Variants in CLIC2 observed in about 807,000 individuals in gnomAD.
CLIC2 encodes CLIC family member 2, also known as chloride intracellular channel protein 2.
CLIC2 carries 9 observed loss-of-function variants against 14.8 expected under a neutral mutation model. The observed-to-expected ratio is 0.61, with a 90% confidence interval of 0.37 to 1.06. The LOEUF is 1.06. CLIC2 is among the 50% of genes least tolerant of loss of function. CLIC2 has a pLI of 0.01. For missense variants in CLIC2, 148 were observed against 181.4 expected (o/e 0.82, Z 1.06); for synonymous variants, 61 against 66.3 (o/e 0.92, Z 0.39).
rs373703414 is a variant in CLIC2 at position 155,305,188 on chromosome X, A to G, written c.58-6043T>C. On this transcript the variant is annotated intron_variant, in intron 1 of 5. Transcript: ENST00000369449. ...GCGCCCCTCCCCCAGCCTCGCTGCC[A>G]CCTTGCAGTTTGATCTCAGACTGCT... is the stretch of plus-strand genomic sequence containing the variant. Among the ~76,000 whole-genome samples the G allele has an allele frequency of 8.9e-3, 992 of 111,684 alleles. 4 individuals carry two copies. Among genetic ancestry groups the G allele is most frequent in the Middle Eastern group, 0.019 (4 of 214 alleles).
chrX:155,279,072 A>G, intron 5 of CLIC2, 77 bp downstream of exon 5: 1 of 762,024 alleles, frequency 1.3e-6, no homozygotes, highest in Non-Finnish European at 2.1e-6. Flanking sequence ...ATAATACCGC[A>G]CTGGAAGGTC....
At chrX:155,286,111 T>C (rs1341388144) in intron 3 of CLIC2, among the ~76,000 whole-genome samples, 1 of 112,250 alleles carries the variant, frequency 8.9e-6, no homozygotes, top group Non-Finnish European at 1.9e-5. Context: ...TGTTATCTTT[T>C]CTGCTCCTTT....
At chrX:155,284,551 GCCTGGCCCTT>G (rs1360098730) in intron 3 of CLIC2, among the ~76,000 whole-genome samples, 2 of 111,666 alleles carry the variant, frequency 1.8e-5, no homozygotes, top group Non-Finnish European at 3.8e-5. Context: ...GAGCCACCGC[GCCTGGCCCTT>G]CCTGGGATTT....
intron 3 of CLIC2, among the ~76,000 whole-genome samples, chrX:155,282,321 T>C (rs187330872): frequency 2.4e-4 from 27 of 111,849 alleles, no homozygotes; most frequent in Admixed American, 2.3e-3. Context: ...GCTTTATTTT[T>C]CACCTTAGCA....
intron 1 of CLIC2, among the ~76,000 whole-genome samples, chrX:155,319,083 CT>C (rs1465787715): frequency 3.6e-5 from 4 of 112,189 alleles, no homozygotes; most frequent in Non-Finnish European, 7.5e-5. Context: ...AGACTTAAAT[CT>C]AAGACCTGAA....
intron 1 of CLIC2, among the ~76,000 whole-genome samples, chrX:155,302,117 T>A (rs1203785706): frequency 2.4e-3 from 258 of 105,888 alleles, no homozygotes; most frequent in Middle Eastern, 9.7e-3. Flanking sequence ...GAGGATTCCC[T>A]CTTTTTCTAT....
At chrX:155,313,648 A>G (rs2124201097) in intron 1 of CLIC2, among the ~76,000 whole-genome samples, 1 of 112,554 alleles carries the variant, frequency 8.9e-6, no homozygotes, top group Non-Finnish European at 1.9e-5. Flanking sequence ...TGCTCCAAGA[A>G]GTACCACAGC....
chrX:155,326,736 G>A (rs1431721777), intron 1 of CLIC2, among the ~76,000 whole-genome samples: 4 of 111,511 alleles, frequency 3.6e-5, no homozygotes, highest in Non-Finnish European at 5.7e-5. Context: ...GTATCATGGA[G>A]TAGTACTCAG....
Position 155,308,168 on chromosome X carries a change from G to GAT in CLIC2, c.58-9025_58-9024dup, listed in dbSNP as rs200720086. On this transcript the variant is annotated intron_variant, in intron 1 of 5. Transcript: ENST00000369449. ...TTTGAGGAAACTAAAAAAAAATTGAGATAACACAGAGAATTCTATCAGGTA... is the reference window on the plus strand; with the variant it reads ...TTTGAGGAAACTAAAAAAAAATTGAGATATAACACAGAGAATTCTATCAGGTA... Among the ~76,000 whole-genome samples, 742 of 110,056 alleles carry GAT rather than the reference G, an allele frequency of 6.7e-3. 6 individuals are homozygous for GAT. The highest frequency in any genetic ancestry group is 0.023 in the African/African-American group (704 of 30,171).
chrX:155,331,202 G>C (rs2075155580), intron 1 of CLIC2, among the ~76,000 whole-genome samples: 1 of 110,961 alleles, frequency 9.0e-6, no homozygotes, highest in Non-Finnish European at 1.9e-5. Context: ...AAGAAGAATG[G>C]AGTCTGATAA....
In CLIC2 at chrX:155,278,035, G is replaced by A; in HGVS notation, c.612C>T (p.Asp204=). The A allele has an allele frequency of 8.3e-7, 1 of 1,211,141 alleles. No individual in the cohort carries two copies. Among genetic ancestry groups the A allele is most frequent in the Non-Finnish European group, 1.1e-6 (1 of 895,230 alleles). ...KVAAKKYRDF[D]IPAEFSGVWR... ...AGACTCCTGAGAATTCTGCTGGAAT[G>A]TCAAAGTCACGATATTTCTTGGCAG... is the stretch of plus-strand genomic sequence containing the variant. The change falls in exon 6 of 6, where the codon GAC becomes GAT. Residue 204 remains aspartate, a synonymous_variant. Coordinates refer to ENST00000369449, the MANE Select transcript of CLIC2 (RefSeq NM_001289.6).
chrX:155,333,236 T>G (rs781956386), intron 1 of CLIC2, among the ~76,000 whole-genome samples: 8 of 111,710 alleles, frequency 7.2e-5, no homozygotes, highest in African/African-American at 9.7e-5. Flanking sequence ...ATTTTATGTC[T>G]TTGTAAGCCA....
chrX:155,310,294 C>T, intron 1 of CLIC2: 1 of 145,216 alleles, frequency 6.9e-6, no homozygotes, highest in Non-Finnish European at 1.4e-5. Context: ...GAATGGAAAT[C>T]AACATTTATA....
At chrX:155,330,755 G>T (rs1344742925) in intron 1 of CLIC2, among the ~76,000 whole-genome samples, 1 of 110,894 alleles carries the variant, frequency 9.0e-6, no homozygotes, top group Admixed American at 9.6e-5. Flanking sequence ...ATGGGAAGAA[G>T]CACCTGAGAG....
chrX:155,284,250 T>G, intron 3 of CLIC2, among the ~76,000 whole-genome samples: 1 of 82,111 alleles, frequency 1.2e-5, no homozygotes, highest in East Asian at 4.5e-4. Flanking sequence ...TCTTTCTCCC[T>G]GGGATTTTTT....
chrX:155,290,700 C>T, intron 3 of CLIC2: 1 of 848,712 alleles, frequency 1.2e-6, no homozygotes, highest in Non-Finnish European at 1.8e-6. Context: ...CTTGGGAATC[C>T]TCTTTGGCAA....
At chrX:155,323,841 A>G (rs1339838013) in intron 1 of CLIC2, among the ~76,000 whole-genome samples, 1 of 112,544 alleles carries the variant, frequency 8.9e-6, no homozygotes, top group Non-Finnish European at 1.9e-5. Context: ...AAGTCTCAGG[A>G]CACAAAATCA....
chrX:155,319,555 G>C (rs990854901), intron 1 of CLIC2, among the ~76,000 whole-genome samples: 1 of 112,226 alleles, frequency 8.9e-6, no homozygotes, highest in African/African-American at 3.2e-5. Context: ...CACAGTCTTC[G>C]CAACCAGCAG....
chrX:155,286,585 A>C (rs2074943834), intron 3 of CLIC2, among the ~76,000 whole-genome samples: 1 of 112,306 alleles, frequency 8.9e-6, no homozygotes, highest in African/African-American at 3.2e-5. Flanking sequence ...GCACTAGTTT[A>C]CACTCCCACT....
Sources: allele counts gnomAD v4.1 joint callset (sites outside exome capture counted in the v4.1 genomes callset), GRCh38; gene constraint gnomAD v4.1.1; transcripts MANE v1.5; gene names NCBI Gene and HGNC (gene_info 2026-07-23, HGNC 2026-07-21).